Variants in CYP3A7 observed in about 807,000 individuals in gnomAD.
CYP3A7 encodes the protein cytochrome P450 family 3 subfamily A member 7.
Under a neutral mutation model 55.2 loss-of-function variants are expected in CYP3A7, and 45 were observed. The observed-to-expected ratio is 0.82, with a 90% CI of 0.64 to 1.05. The LOEUF (loss-of-function observed/expected upper bound fraction) is 1.05. CYP3A7 is among the 50% of genes least tolerant of loss of function. CYP3A7 has a pLI of 0.00. For synonymous variants in CYP3A7, 180 were observed against 207.4 expected, an observed-to-expected ratio of 0.87 and a Z score of 1.13; for missense variants, 548 against 605.3, an observed-to-expected ratio of 0.91 and a Z score of 0.99.
chr7:99,710,717 G>A lies in CYP3A7; in HGVS notation c.1026+15C>T, dbSNP rs770122125. On this transcript the variant is annotated intron_variant, in intron 10 of 12. Transcript: ENST00000336374. ...CTTCACCTCCTCCCTCCTTCTCCAT[G>A]TACTGTCCACTCACCTTATTGGGTA... 4 of 1,613,724 alleles carry A rather than the reference G, an allele frequency of 2.5e-6. No individual in the cohort carries two copies. Among genetic ancestry groups the A allele is most frequent in the East Asian group, 2.2e-5 (1 of 44,850 alleles).
chr7:99,717,152 A>G, intron 6 of CYP3A7, 25 bp downstream of exon 6: 1 of 1,613,456 alleles, frequency 6.2e-7, no homozygotes. Flanking sequence ...ACAGCTCAGA[A>G]CCCCATGGCT....
Position 99,717,065 on chromosome 7 carries a change from C to T in CYP3A7, c.521+112G>A, listed in dbSNP as rs534037833. 3 of 1,336,306 alleles carry T rather than the reference C, an allele frequency of 2.2e-6. No homozygotes were observed. In the South Asian group the frequency reaches 3.6e-5, roughly 16 times the overall value. 82.8% of individuals were successfully genotyped at this position (1,336,306 alleles called of 1,614,324 possible). A position where few individuals can be genotyped will look rare whatever the true frequency, so the allele number is the denominator to read the frequency against. The stretch of plus-strand genomic sequence containing the variant: ...CCCATTGAAGTTGCATTACCACAGC[C>T]CTCCTTTTGTCTGGTCACTGGAATA... On this transcript the variant is annotated intron_variant, in intron 6 of 12. Coordinates refer to ENST00000336374, the MANE Select transcript of CYP3A7 (RefSeq NM_000765.5).
rs1009400776 is a variant in CYP3A7, at chr7:99,707,936, A to G, written c.1292T>C (p.Ile431Thr). Residue 431 changes from isoleucine to threonine, a missense_variant, in exon 12 of 13, where the codon ATA (isoleucine) becomes ACA (threonine). Ile to Thr is a moderately conservative substitution (Grantham distance 89). Coordinates refer to ENST00000336374, the MANE Select transcript of CYP3A7 (RefSeq NM_000765.5). ...GGGTCCACTTCCAAAGGGTGTGTAT[A>G]TGTAAGGATCTATGTTGTCCTTGTT... ...KKNKDNIDPYIYTPFGSGPRN... is the reference protein window; with the variant it reads ...KKNKDNIDPYTYTPFGSGPRN... 9.3e-6 allele frequency: 15 copies of G among 1,613,884 alleles called. No individual in the cohort carries two copies. The African/African-American group carries it at 1.5e-4, about 16-fold the overall frequency.
chr7:99,718,233 T>C (rs55852703), intron 4 of CYP3A7, among the ~76,000 whole-genome samples: 21,287 of 152,040 alleles, frequency 0.14, 1,890 homozygotes, highest in South Asian at 0.32. Context: ...GTAACAAACC[T>C]GCACGTTGTG....
At chr7:99,716,040 C>A in intron 6 of CYP3A7, 134 bp from the exon 7 acceptor site, 1 of 1,541,398 alleles carries the variant, frequency 6.5e-7, no homozygotes, top group Non-Finnish European at 8.9e-7. Context: ...TTTACTGGAG[C>A]ATCTCCCATC....
At chr7:99,715,146 A>G (rs966552984) in intron 7 of CYP3A7, among the ~76,000 whole-genome samples, 2 of 152,250 alleles carry the variant, frequency 1.3e-5, no homozygotes, top group Non-Finnish European at 2.9e-5. Context: ...AAGTTAAACA[A>G]TAAACTTTTA....
chr7:99,721,583 C>T (rs1814199769), intron 3 of CYP3A7, among the ~76,000 whole-genome samples: 1 of 152,170 alleles, frequency 6.6e-6, no homozygotes, highest in Non-Finnish European at 1.5e-5. Context: ...GTCCCTGGGC[C>T]ACCAAAGCTT....
At chr7:99,709,341 T>C in intron 10 of CYP3A7, 80 bp from the exon 11 acceptor site, 2 of 1,553,384 alleles carry the variant, frequency 1.3e-6, no homozygotes, top group Non-Finnish European at 1.7e-6. Context: ...ACTGTTGAAC[T>C]GTTAGAAGTT....
rs1368842565 is a variant in CYP3A7, at chr7:99,732,220, T to G, written c.72-1068A>C. 3.9e-5 allele frequency among the ~76,000 whole-genome samples: 6 copies of G among 152,288 alleles called. No individual in the cohort carries two copies. The South Asian group carries it at 1.2e-3, about 32-fold the overall frequency. On this transcript the variant is annotated intron_variant, in intron 1 of 12. Transcript: ENST00000336374. ...TGTGTGGCACCTCCTCCCCACCCTC[T>G]CTTGCTTCTGCTCCAGTCATGTAAG... is the stretch of plus-strand genomic sequence containing the variant.
chr7:99,707,191 C>T (rs1187184967), intron 12 of CYP3A7, among the ~76,000 whole-genome samples: 4 of 152,154 alleles, frequency 2.6e-5, no homozygotes, highest in Admixed American at 2.6e-4. Flanking sequence ...GAGCTAGGCA[C>T]CTGGAAGGTG....
intron 2 of CYP3A7, among the ~76,000 whole-genome samples, chr7:99,723,848 A>G (rs1485912177): frequency 6.6e-6 from 1 of 152,092 alleles, no homozygotes; most frequent in Non-Finnish European, 1.5e-5. Context: ...ATGAACTCAA[A>G]ACTCTGGTGC....
chr7:99,728,836 T>TAGCCTTTCTAATGACTTTTCTGC lies in CYP3A7; in HGVS notation c.165+2200_165+2222dup, dbSNP rs1179525248. ...TTTCAACTTCTGTCACAACTTTCTG[T>TAGCCTTTCTAATGACTTTTCTGC]AGCCTTTCTAATGACTTTTCTGCTA... is the stretch of plus-strand genomic sequence containing the variant. On this transcript the variant is annotated intron_variant, in intron 2 of 12. Transcript: ENST00000336374. Among the ~76,000 whole-genome samples, 125 of 152,306 alleles carry TAGCCTTTCTAATGACTTTTCTGC rather than the reference T, an allele frequency of 8.2e-4. 1 individual carries two copies. Among genetic ancestry groups the TAGCCTTTCTAATGACTTTTCTGC allele is most frequent in the African/African-American group, 2.9e-3 (119 of 41,568 alleles).
intron 9 of CYP3A7, among the ~76,000 whole-genome samples, chr7:99,711,643 C>T (rs1813753381): frequency 2.6e-5 from 4 of 152,174 alleles, no homozygotes; most frequent in Admixed American, 2.6e-4. Context: ...TGACGCATGC[C>T]TGTAATCCCA....
chr7:99,721,424 A>G (rs1287615899), intron 3 of CYP3A7, among the ~76,000 whole-genome samples: 1 of 152,220 alleles, frequency 6.6e-6, no homozygotes, highest in Non-Finnish European at 1.5e-5. Context: ...TTTTAATTGA[A>G]AGTGAATCGA....
chr7:99,710,919 G>C, intron 9 of CYP3A7, 27 bp from the exon 10 acceptor site: 1 of 1,613,292 alleles, frequency 6.2e-7, no homozygotes, highest in Non-Finnish European at 8.5e-7. Context: ...GACATTTTAG[G>C]TAAATCAGGT....
Position 99,717,605 on chromosome 7 carries a change from A to T in CYP3A7, c.353T>A (p.Ile118Asn). The part of the protein sequence containing the change: ...FGPVGFMKNA[I>N]SIAEDEEWKR... ...CCATTCTTCATCCTCAGCTATAGAG[A>T]TGGCATTTTTCATAAATCCCACTGG... The change falls in exon 5 of 13, where the codon ATC becomes AAC. Residue 118 changes from isoleucine to asparagine, a missense_variant. Ile to Asn is a moderately radical substitution (Grantham distance 149, BLOSUM62 -3). Transcript: ENST00000336374. 1 of 1,613,680 alleles carries T rather than the reference A, an allele frequency of 6.2e-7. No homozygotes were observed. The highest frequency in any genetic ancestry group is 2.2e-5 in the East Asian group (1 of 44,808).
rs756945534 is a variant in CYP3A7, at chr7:99,722,273, A to G, written c.218+23T>C. On this transcript the variant is annotated intron_variant, in intron 3 of 12. Transcript: ENST00000336374. ...CTCATCATAGAAACAAGTCTATCCAATGGAATCTTCCAGAATACTCACCCC... is the reference window on the plus strand; with the variant it reads ...CTCATCATAGAAACAAGTCTATCCAGTGGAATCTTCCAGAATACTCACCCC... The G allele has an allele frequency of 8.1e-6, 13 of 1,613,326 alleles. No individual in the cohort carries two copies. The Admixed American group carries it at 1.3e-4, about 17-fold the overall frequency.
intron 9 of CYP3A7, among the ~76,000 whole-genome samples, chr7:99,712,897 A>G (rs1267445186): frequency 1.3e-5 from 2 of 152,224 alleles, no homozygotes; most frequent in African/African-American, 2.4e-5. Context: ...ACTGAAGACA[A>G]AGGATATTTA....
chr7:99,714,155 A>G (rs1205350733), intron 8 of CYP3A7, among the ~76,000 whole-genome samples: 2 of 152,336 alleles, frequency 1.3e-5, no homozygotes, highest in East Asian at 1.9e-4. Context: ...AATGTGTAAA[A>G]TAATAGCCTT....
Sources: gnomAD v4.1 joint callset for allele counts (sites outside exome capture counted in the v4.1 genomes callset) on GRCh38, gnomAD v4.1.1 for gene constraint, MANE v1.5 for transcripts, NCBI Gene and HGNC (gene_info 2026-07-23, HGNC 2026-07-21) for gene names.